Variants in KLHL10 observed in about 807,000 individuals in gnomAD.
KLHL10 encodes the protein kelch-like protein 10.
A neutral mutation model predicts 46.6 loss-of-function variants in KLHL10; 11 were observed. The ratio of observed to expected loss-of-function variants is 0.24; its 90% CI spans 0.15 to 0.39. The LOEUF (loss-of-function observed/expected upper bound fraction) is 0.39. Among genes scored for constraint, KLHL10 ranks in the 10% least tolerant of loss-of-function variants. KLHL10 has a pLI of 1.00. For missense variants in KLHL10, 475 were observed against 789.8 expected (o/e 0.60, Z 4.78); for synonymous variants, 254 against 279.1 (o/e 0.91, Z 0.90).
chr17:41,837,555 A>G (rs1671390468), upstream of KLHL10: 2 of 1,058,042 alleles, frequency 1.9e-6, no homozygotes, highest in South Asian at 6.6e-5. Context: ...TGTGGAAGGT[A>G]GATGAATGCT....
intron 1 of KLHL10, 65 bp downstream of exon 1, chr17:41,838,191 A>AT (rs1361905247): frequency 5.9e-6 from 8 of 1,356,592 alleles, no homozygotes; most frequent in Non-Finnish European, 8.4e-6. Flanking sequence ...ACTTTGATCC[A>AT]TTTTCTGTTT....
In KLHL10 at chr17:41,845,221, T is replaced by A. The variant is rs1329992135; in HGVS notation, c.780T>A (p.Ile260=). 1 of 1,614,206 alleles carries A rather than the reference T, an allele frequency of 6.2e-7. No homozygotes were observed. Among genetic ancestry groups the A allele is most frequent in the South Asian group, 1.1e-5 (1 of 91,082 alleles). ...GTGAGGAATGCAAACCAGTCATCAT[T>A]AATGCCCTAAAGGCCATGTATGACC... ...KDSEECKPVI[I]NALKAMYDLN... The change falls in exon 3 of 5, where the codon ATT becomes ATA. Residue 260 remains isoleucine, a synonymous_variant. Transcript: ENST00000293303.
rs2048310258 is a variant in KLHL10 at position 41,848,248 on chromosome 17, G to C, written c.1768G>C (p.Gly590Arg). The C allele has an allele frequency of 6.2e-7, 1 of 1,613,796 alleles. No homozygotes were observed. The change falls in exon 5 of 5, where the codon GGA (glycine) becomes CGA (arginine). Residue 590 changes from glycine (G) to arginine (R), a missense_variant. Physicochemically the swap from Gly to Arg is moderately radical, Grantham distance 125. Transcript: ENST00000293303. The stretch of plus-strand genomic sequence containing the variant: ...TGCAGCTAGACGGGACAACTTCCCA[G>C]GATTAGCACTGCGAGATGAAGTAAA... ...EYAARRDNFP[G>R]LALRDEVKYS...
intron 1 of KLHL10, among the ~76,000 whole-genome samples, chr17:41,840,502 G>A (rs1181345491): frequency 1.3e-5 from 2 of 151,912 alleles, no homozygotes; most frequent in East Asian, 3.9e-4. Context: ...ACAAAAAGCC[G>A]GGCATGGTGG....
At position 41,842,279 on chromosome 17, in the gene KLHL10, T is replaced by C. The variant is rs782610139; in HGVS notation, c.651T>C (p.Asn217=). 3 of 1,614,108 alleles carry C rather than the reference T, an allele frequency of 1.9e-6. No individual in the cohort carries two copies. The Admixed American group carries it at 5.0e-5, about 27-fold the overall frequency. ...ILKWISHDPQ[N]RKQHISILLP... ...AGTGGATTTCTCATGACCCCCAAAATAGAAAGCAGCACATTTCAATTTTGC... is the reference window on the plus strand; with the variant it reads ...AGTGGATTTCTCATGACCCCCAAAACAGAAAGCAGCACATTTCAATTTTGC... The change falls in exon 2 of 5, where the codon AAT becomes AAC. Residue 217 remains asparagine, a synonymous_variant. Coordinates refer to ENST00000293303, the MANE Select transcript of KLHL10 (RefSeq NM_152467.5).
intron 1 of KLHL10, 31 bp from the exon 2 acceptor site, chr17:41,841,792 C>T (rs1555620754): frequency 6.2e-7 from 1 of 1,613,922 alleles, no homozygotes; most frequent in African/African-American, 1.3e-5. Flanking sequence ...AGAAATGTTT[C>T]CGTGGCTGCT....
chr17:41,844,542 A>ATTTTTTT (rs369578859), intron 2 of KLHL10, among the ~76,000 whole-genome samples: 3 of 115,348 alleles, frequency 2.6e-5, no homozygotes, highest in Admixed American at 8.9e-5. Flanking sequence ...TGGTTTTTGT[A>ATTTTTTT]TTTTTTTTTT....
intron 3 of KLHL10, 77 bp downstream of exon 3, chr17:41,845,820 G>T: frequency 6.3e-7 from 1 of 1,580,418 alleles, no homozygotes; most frequent in Non-Finnish European, 8.7e-7. Flanking sequence ...TTTTTGGGGT[G>T]GATGGAAGAC....
chr17:41,835,751 CAG>C, upstream of KLHL10: 1 of 1,141,498 alleles, frequency 8.8e-7, no homozygotes, highest in South Asian at 1.3e-5. Flanking sequence ...TTTCTTGGGG[CAG>C]AGAGCTAGGA....
At chr17:41,836,127 C>T, upstream of KLHL10, 3 of 1,323,816 alleles carry the variant, frequency 2.3e-6, no homozygotes, top group Non-Finnish European at 2.9e-6. Flanking sequence ...GCTCGAAGCG[C>T]CCCGGGGGTC....
At chr17:41,837,030 G>C (rs1555620167), upstream of KLHL10, among the ~76,000 whole-genome samples, 1 of 151,966 alleles carries the variant, frequency 6.6e-6, no homozygotes. Flanking sequence ...GCACGGTGCG[G>C]AGCACTTGTA....
At chr17:41,843,904 G>A (rs2048253556) in intron 2 of KLHL10, among the ~76,000 whole-genome samples, 1 of 151,834 alleles carries the variant, frequency 6.6e-6, no homozygotes, top group African/African-American at 2.4e-5. Context: ...TGGGACTACA[G>A]GCACCCGCCA....
In KLHL10 at chr17:41,847,859, A is replaced by G. The variant is rs192740286; in HGVS notation, c.1453-74A>G. 5.0e-5 allele frequency: 79 copies of G among 1,580,156 alleles called. No homozygotes were observed. In the East Asian group the frequency reaches 1.1e-3, roughly 21 times the overall value. On this transcript the variant is annotated intron_variant, in intron 4 of 4. Coordinates refer to ENST00000293303, the MANE Select transcript of KLHL10 (RefSeq NM_152467.5). ...AAGAGGGAGTTATGAGATCACTGGTACCCCCAACAAGGGCTTCCTCAGTGA... is the reference window on the plus strand; with the variant it reads ...AAGAGGGAGTTATGAGATCACTGGTGCCCCCAACAAGGGCTTCCTCAGTGA...
At chr17:41,846,550 A>G (rs2048288344) in intron 3 of KLHL10, among the ~76,000 whole-genome samples, 1 of 151,740 alleles carries the variant, frequency 6.6e-6, no homozygotes, top group Non-Finnish European at 1.5e-5. Context: ...AAAAAAAAAA[A>G]GTAATGTGTA....
chr17:41,836,370 G>C (rs1236176864), upstream of KLHL10: 2 of 1,225,598 alleles, frequency 1.6e-6, no homozygotes, highest in East Asian at 3.2e-5. Context: ...GGGCTTGCCG[G>C]TTGCGCTAGG....
At chr17:41,838,583 C>T (rs1383752325) in intron 1 of KLHL10, among the ~76,000 whole-genome samples, 1 of 151,496 alleles carries the variant, frequency 6.6e-6, no homozygotes, top group Non-Finnish European at 1.5e-5. Context: ...TCCTGCCTGG[C>T]TCCTTTGCCT....
upstream of KLHL10, among the ~76,000 whole-genome samples, chr17:41,837,015 G>C (rs1328425940): frequency 6.6e-6 from 1 of 152,198 alleles, no homozygotes; most frequent in Non-Finnish European, 1.5e-5. Context: ...ATCAGCGTTG[G>C]CTGGGCACGG....
At chr17:41,844,695 C>T (rs1306355463) in intron 2 of KLHL10, among the ~76,000 whole-genome samples, 1 of 151,948 alleles carries the variant, frequency 6.6e-6, no homozygotes, top group East Asian at 1.9e-4. Context: ...ATTACAGGTG[C>T]GTGCCACCAC....
chr17:41,840,231 A>C (rs572602156), intron 1 of KLHL10, among the ~76,000 whole-genome samples: 25 of 152,280 alleles, frequency 1.6e-4, no homozygotes, highest in Admixed American at 1.6e-3. Context: ...AGCCTTAGAC[A>C]ATACTAAATG....
Sources: gnomAD v4.1 joint callset for allele counts (sites outside exome capture counted in the v4.1 genomes callset) on GRCh38, gnomAD v4.1.1 for gene constraint, MANE v1.5 for transcripts, NCBI Gene and HGNC (gene_info 2026-07-23, HGNC 2026-07-21) for gene names.